Variants in IGFBP3 observed in about 807,000 individuals in gnomAD.
IGFBP3 encodes insulin-like growth factor-binding protein 3.
IGFBP3 carries 9 observed loss-of-function variants against 28.6 expected under a neutral mutation model. The ratio of observed to expected loss-of-function variants is 0.31; its 90% CI spans 0.19 to 0.55. IGFBP3 has a LOEUF of 0.55. IGFBP3 is among the 20% of genes least tolerant of loss of function. IGFBP3 has a pLI of 0.93. For missense variants in IGFBP3, 382 were observed against 428.9 expected (o/e 0.89, Z 0.97); for synonymous variants, 185 against 188.2 (o/e 0.98, Z 0.14).
At chr7:45,920,556 G>A (rs887658999) in intron 1 of IGFBP3, 182 bp downstream of exon 1, 1 of 486,486 alleles carries the variant, frequency 2.1e-6, no homozygotes, top group Non-Finnish European at 3.4e-6. Flanking sequence ...GTAGAGGGCC[G>A]GCTGGGGAGG....
chr7:45,921,152 C>T lies in IGFBP3; in HGVS notation c.-12G>A. 3 of 1,502,340 alleles carry T rather than the reference C, an allele frequency of 2.0e-6. No individual in the cohort carries two copies. The highest frequency in any genetic ancestry group is 2.1e-5 in the Admixed American group (1 of 48,500). 93.1% of individuals were successfully genotyped at this position (1,502,340 alleles called of 1,614,324 possible). A position where few individuals can be genotyped will look rare whatever the true frequency, so the allele number is the denominator to read the frequency against. On this transcript the variant is annotated 5_prime_UTR_variant, in exon 1 of 5. Coordinates refer to ENST00000613132, the MANE Select transcript of IGFBP3 (RefSeq NM_000598.5). ...CGCGCCCGCTGCATGACGCCTGCAA[C>T]CGGGGCACGCTGCTTGGCAGGCTGG... is the stretch of plus-strand genomic sequence containing the variant.
Position 45,920,777 on chromosome 7 carries a change from G to T in IGFBP3, c.364C>A (p.Arg122Ser), listed in dbSNP as rs1185306624. The change falls in exon 1 of 5, where the codon CGC (arginine) becomes AGC (serine). Residue 122 changes from arginine to serine, a missense_variant. Physicochemically the swap from Arg to Ser is moderately radical, Grantham distance 110. Coordinates refer to ENST00000613132, the MANE Select transcript of IGFBP3 (RefSeq NM_000598.5). The stretch of plus-strand genomic sequence containing the variant: ...GCTGGCAGCAGGTAGGCGCGCAGGC[G>T]GCTGACGGCACTAGCGTTGACGCAG... The part of the protein sequence containing the change: ...GLCVNASAVS[R>S]LRAYLLPAPP... 2.8e-6 allele frequency: 4 copies of T among 1,422,858 alleles called. No individual in the cohort carries two copies. Among genetic ancestry groups the T allele is most frequent in the Non-Finnish European group, 3.6e-6 (4 of 1,097,200 alleles). 88.1% of individuals were successfully genotyped at this position (1,422,858 alleles called of 1,614,324 possible).
chr7:45,916,815 C>T lies in IGFBP3; in HGVS notation c.631-148G>A. On this transcript the variant is annotated intron_variant, in intron 2 of 4. Coordinates refer to ENST00000613132, the MANE Select transcript of IGFBP3 (RefSeq NM_000598.5). The stretch of plus-strand genomic sequence containing the variant: ...CTTATGTCTGATGTAGCACGAAAGT[C>T]CCCCGAATAAGCTAACCATCACTCC... 6 of 814,682 alleles carry T rather than the reference C, an allele frequency of 7.4e-6. No individual in the cohort carries two copies. In the South Asian group the frequency reaches 1.1e-4, roughly 15 times the overall value. 50.5% of individuals were successfully genotyped at this position (814,682 alleles called of 1,614,324 possible).
rs1784675712 is a variant in IGFBP3, at chr7:45,920,792, C to T, written c.349G>A (p.Ala117Thr). 4.9e-6 allele frequency: 7 copies of T among 1,418,518 alleles called. No homozygotes were observed. The highest frequency in any genetic ancestry group is 1.5e-5 in the South Asian group (1 of 67,624). The allele number at this position is 1,418,518 out of a possible 1,614,324, so 87.9% of individuals were successfully genotyped here. A position where few individuals can be genotyped will look rare whatever the true frequency, so the allele number is the denominator to read the frequency against. Residue 117 changes from alanine (A) to threonine (T), a missense_variant, in exon 1 of 5, where the codon GCT (alanine) becomes ACT (threonine). By Grantham distance (58) the Ala-to-Thr change is moderately conservative. Transcript: ENST00000613132. ...LLDGRGLCVN[A>T]SAVSRLRAYL... ...GCGCGCAGGCGGCTGACGGCACTAG[C>T]GTTGACGCAGAGCCCGCGGCCGTCC...
At chr7:45,916,961 C>T (rs1784616717) in intron 2 of IGFBP3, 1 of 569,512 alleles carries the variant, frequency 1.8e-6, no homozygotes, top group East Asian at 2.9e-5. Flanking sequence ...TTTTCATTAT[C>T]TGCAGAGGTC....
chr7:45,917,194 C>G lies in IGFBP3; in HGVS notation c.630+19G>C. The G allele has an allele frequency of 6.3e-7, 1 of 1,589,340 alleles. No individual in the cohort carries two copies. The highest frequency in any genetic ancestry group is 8.6e-7 in the Non-Finnish European group (1 of 1,157,668). On this transcript the variant is annotated intron_variant, in intron 2 of 4. Coordinates refer to ENST00000613132, the MANE Select transcript of IGFBP3 (RefSeq NM_000598.5). ...GGCAGGTCTTGCCCTCCTCCTTTAA[C>G]AAGAGGAAAAGCTCTCACATATTCT...
At chr7:45,919,774 C>T (rs1342042779) in intron 1 of IGFBP3, among the ~76,000 whole-genome samples, 1 of 152,164 alleles carries the variant, frequency 6.6e-6, no homozygotes, top group Non-Finnish European at 1.5e-5. Context: ...TTAAACAACC[C>T]CCGCTCCTTT....
At chr7:45,918,052 G>A (rs559587227) in intron 1 of IGFBP3, among the ~76,000 whole-genome samples, 10 of 152,354 alleles carry the variant, frequency 6.6e-5, no homozygotes, top group South Asian at 2.1e-4. Flanking sequence ...TACCTGCAAA[G>A]CGTTTTGCCT....
chr7:45,914,797 G>C lies in IGFBP3; in HGVS notation c.*15+8C>G, dbSNP rs1451524419. The C allele has an allele frequency of 4.3e-6, 7 of 1,613,100 alleles. 1 individual carries two copies. The highest frequency in any genetic ancestry group is 5.9e-6 in the Non-Finnish European group (7 of 1,179,474). On this transcript the variant is annotated splice_region_variant and intron_variant, in intron 4 of 4. Transcript: ENST00000613132. Reference sequence around the variant, plus strand: ...TGGAGCCCCAGGCTGCCCCTCCTGAGTACTCACCCTTGCGGCAGGCGTCTA... The same window carrying C: ...TGGAGCCCCAGGCTGCCCCTCCTGACTACTCACCCTTGCGGCAGGCGTCTA...
At chr7:45,914,745 G>A in intron 4 of IGFBP3, 60 bp downstream of exon 4, 3 of 1,559,952 alleles carry the variant, frequency 1.9e-6, no homozygotes, top group Non-Finnish European at 2.6e-6. Flanking sequence ...CCCAGCCCCT[G>A]AGGCTGGTCC....
At chr7:45,914,251 A>T (rs1347007018) in intron 4 of IGFBP3, 1 of 152,214 alleles carries the variant, frequency 6.6e-6, no homozygotes, top group Non-Finnish European at 1.5e-5. Context: ...TCATTTTTCT[A>T]TCAGATTTAA....
Position 45,921,204 on chromosome 7 carries a change from C to G in IGFBP3, c.-64G>C. The G allele has an allele frequency of 1.4e-6, 2 of 1,474,858 alleles. No individual in the cohort carries two copies. The highest frequency in any genetic ancestry group is 1.8e-6 in the Non-Finnish European group (2 of 1,102,486). 91.4% of individuals were successfully genotyped at this position (1,474,858 alleles called of 1,614,324 possible). A position where few individuals can be genotyped will look rare whatever the true frequency, so the allele number is the denominator to read the frequency against. ...CGCGCAGGGATGGGGCGACAGTACA[C>G]GGCGCGAAGCTGTGGAATCCAGGCA... On this transcript the variant is annotated 5_prime_UTR_variant, in exon 1 of 5. Coordinates refer to ENST00000613132, the MANE Select transcript of IGFBP3 (RefSeq NM_000598.5).
At chr7:45,916,898 C>T (rs939918790) in intron 2 of IGFBP3, 5 of 559,726 alleles carry the variant, frequency 8.9e-6, no homozygotes, top group African/African-American at 1.9e-5. Context: ...GAACCAATAG[C>T]AGGTCAACAA....
chr7:45,918,661 C>T (rs191918538), intron 1 of IGFBP3, among the ~76,000 whole-genome samples: 1 of 152,302 alleles, frequency 6.6e-6, no homozygotes, highest in African/African-American at 2.4e-5. Flanking sequence ...TCAGGTGGCC[C>T]ATCTGGTCCA....
chr7:45,921,211 A>G lies in IGFBP3; in HGVS notation c.-71T>C. ...GGATGGGGCGACAGTACACGGCGCGAAGCTGTGGAATCCAGGCAGGAAGCG... is the reference window on the plus strand; with the variant it reads ...GGATGGGGCGACAGTACACGGCGCGGAGCTGTGGAATCCAGGCAGGAAGCG... On this transcript the variant is annotated 5_prime_UTR_variant, in exon 1 of 5. Transcript: ENST00000613132. 1 of 1,466,008 alleles carries G rather than the reference A, an allele frequency of 6.8e-7. No homozygotes were observed. The highest frequency in any genetic ancestry group is 9.1e-7 in the Non-Finnish European group (1 of 1,093,846). The allele number at this position is 1,466,008 out of a possible 1,614,324, so 90.8% of individuals were successfully genotyped here. A position where few individuals can be genotyped will look rare whatever the true frequency, so the allele number is the denominator to read the frequency against.
In IGFBP3 at chr7:45,914,934, G is replaced by T; in HGVS notation, c.762C>A (p.Ser254=). Reference sequence around the variant, plus strand: ...AGCAGAAGCCCCGCTTCCTGCCTTTGGAAGGGCGACACTGTGGGAGAGAAA... The same window carrying T: ...AGCAGAAGCCCCGCTTCCTGCCTTTTGAAGGGCGACACTGTGGGAGAGAAA... ...GFYKKKQCRP[S]KGRKRGFCWC... Residue 254 remains serine (S), a synonymous_variant, in exon 4 of 5, where the codon TCC becomes TCA. Coordinates refer to ENST00000613132, the MANE Select transcript of IGFBP3 (RefSeq NM_000598.5). The T allele has an allele frequency of 6.2e-7, 1 of 1,614,120 alleles. No individual in the cohort carries two copies. Among genetic ancestry groups the T allele is most frequent in the Non-Finnish European group, 8.5e-7 (1 of 1,180,010 alleles).
chr7:45,916,694 C>G (rs752704591), intron 2 of IGFBP3, 27 bp from the exon 3 acceptor site: 1 of 1,595,088 alleles, frequency 6.3e-7, no homozygotes, highest in Non-Finnish European at 8.6e-7. Context: ...ACCAGAGCAA[C>G]AGAGTCACAG....
In IGFBP3 at chr7:45,921,206, G is replaced by C; in HGVS notation, c.-66C>G. On this transcript the variant is annotated 5_prime_UTR_variant, in exon 1 of 5. Coordinates refer to ENST00000613132, the MANE Select transcript of IGFBP3 (RefSeq NM_000598.5). ...CGCAGGGATGGGGCGACAGTACACG[G>C]CGCGAAGCTGTGGAATCCAGGCAGG... 6.8e-7 allele frequency: 1 copy of C among 1,476,486 alleles called. No homozygotes were observed. The highest frequency in any genetic ancestry group is 9.1e-7 in the Non-Finnish European group (1 of 1,103,424). The allele number at this position is 1,476,486 out of a possible 1,614,324, so 91.5% of individuals were successfully genotyped here. A position where few individuals can be genotyped will look rare whatever the true frequency, so the allele number is the denominator to read the frequency against.
chr7:45,916,810 A>G (rs35052563), intron 2 of IGFBP3, 143 bp from the exon 3 acceptor site: 41 of 848,632 alleles, frequency 4.8e-5, no homozygotes, highest in African/African-American at 2.4e-4. Context: ...ATGTAGCACG[A>G]AAGTCCCCCG....
Sources: gnomAD v4.1 joint callset for allele counts (sites outside exome capture counted in the v4.1 genomes callset) on GRCh38, gnomAD v4.1.1 for gene constraint, MANE v1.5 for transcripts, NCBI Gene and HGNC (gene_info 2026-07-23, HGNC 2026-07-21) for gene names.